The following PLCG2 variants were observed in gnomAD, a reference collection of about 807,000 sequenced individuals.
PLCG2 encodes the protein phospholipase C gamma 2, also known as 1-phosphatidylinositol 4,5-bisphosphate phosphodiesterase gamma-2.
PLCG2 carries 69 observed loss-of-function variants against 175.6 expected under a neutral mutation model. The ratio of observed to expected loss-of-function variants is 0.39; its 90% CI spans 0.32 to 0.48. The LOEUF (loss-of-function observed/expected upper bound fraction) is 0.48. Among genes scored for constraint, PLCG2 ranks in the 20% least tolerant of loss-of-function variants. The pLI is 0.91. For missense variants in PLCG2, 1,798 were observed against 1,650.9 expected (o/e 1.09, Z -1.54); for synonymous variants, 827 against 624.0 (o/e 1.33, Z -4.85).
chr16:81,932,105 G>A (rs1038491958), intron 25 of PLCG2, among the ~76,000 whole-genome samples: 4 of 152,158 alleles, frequency 2.6e-5, no homozygotes, highest in East Asian at 1.9e-4. Context: ...GGTTCTTTCC[G>A]GTGGAGGAAC....
At chr16:81,776,877 C>G (rs1054821448), upstream of PLCG2, among the ~76,000 whole-genome samples, 17 of 152,058 alleles carry the variant, frequency 1.1e-4, no homozygotes, top group African/African-American at 3.9e-4. Context: ...TTTGAACAAC[C>G]AAGTTAGAGT....
intron 2 of PLCG2, among the ~76,000 whole-genome samples, chr16:81,772,478 C>A (rs887128647): frequency 6.6e-6 from 1 of 151,774 alleles, no homozygotes; most frequent in African/African-American, 2.4e-5. Flanking sequence ...AGGTAAGACA[C>A]GGGGCCTGGT....
intron 7 of PLCG2, among the ~76,000 whole-genome samples, chr16:81,875,756 GC>G (rs1407399205): frequency 1.3e-5 from 2 of 152,146 alleles, no homozygotes; most frequent in African/African-American, 4.8e-5. Flanking sequence ...GAAAGCACTT[GC>G]AAAAAATCAA....
intron 16 of PLCG2, 91 bp downstream of exon 16, chr16:81,907,865 C>A: frequency 1.2e-6 from 1 of 838,454 alleles, no homozygotes; most frequent in Non-Finnish European, 2.0e-6. Context: ...TGTGGCTTCT[C>A]TGGCCGGCTG....
At chr16:81,950,459 A>T (rs1422696988) in intron 31 of PLCG2, among the ~76,000 whole-genome samples, 1 of 152,216 alleles carries the variant, frequency 6.6e-6, no homozygotes, top group Non-Finnish European at 1.5e-5. Flanking sequence ...TATAAAGAAA[A>T]AATCTTTCAG....
chr16:81,917,764 C>T (rs1389165289), intron 19 of PLCG2, among the ~76,000 whole-genome samples: 2 of 152,138 alleles, frequency 1.3e-5, no homozygotes, highest in Admixed American at 6.5e-5. Flanking sequence ...CTCTGTTGCC[C>T]AGGCTGGAGT....
At chr16:81,822,752 A>G (rs1253864462) in intron 2 of PLCG2, among the ~76,000 whole-genome samples, 1 of 76,794 alleles carries the variant, frequency 1.3e-5, no homozygotes, top group Non-Finnish European at 2.4e-5. Context: ...CAAGAGCGAG[A>G]CTCCATCTCA....
chr16:81,927,930 C>T (rs1910342940), intron 23 of PLCG2, among the ~76,000 whole-genome samples: 1 of 152,150 alleles, frequency 6.6e-6, no homozygotes, highest in Non-Finnish European at 1.5e-5. Flanking sequence ...CTTGCTTCCT[C>T]TGTACTGAGT....
intron 2 of PLCG2, among the ~76,000 whole-genome samples, chr16:81,759,650 C>T (rs949303253): frequency 6.6e-6 from 1 of 152,214 alleles, no homozygotes; most frequent in African/African-American, 2.4e-5. Context: ...CATCCAAACT[C>T]CTCCTAGGGA....
chr16:81,905,544 C>A, intron 15 of PLCG2, 37 bp downstream of exon 15: 1 of 1,376,432 alleles, frequency 7.3e-7, no homozygotes. Context: ...ACTGCGGCCA[C>A]GCCCCTTGCA....
At chr16:81,928,702 G>C (rs1036317328) in intron 24 of PLCG2, 78 bp downstream of exon 24, 2 of 946,808 alleles carry the variant, frequency 2.1e-6, no homozygotes, top group African/African-American at 1.6e-5. Flanking sequence ...CCTACACAGG[G>C]AGGTGGCTGA....
chr16:81,915,656 C>T (rs554058543), intron 19 of PLCG2, among the ~76,000 whole-genome samples: 5 of 152,286 alleles, frequency 3.3e-5, no homozygotes, highest in Non-Finnish European at 5.9e-5. Context: ...AGCTAATAGA[C>T]GATGATCCTA....
At chr16:81,943,262 C>T (rs1388194444) in intron 30 of PLCG2, among the ~76,000 whole-genome samples, 3 of 152,200 alleles carry the variant, frequency 2.0e-5, no homozygotes, top group Non-Finnish European at 4.4e-5. Flanking sequence ...TTGATTGGCT[C>T]ACAGTTCTGC....
intron 2 of PLCG2, among the ~76,000 whole-genome samples, chr16:81,818,883 A>AGTTTTTTTTTTTTTTTTTTTTTTTT (rs1904669342): frequency 9.4e-6 from 1 of 106,644 alleles, no homozygotes; most frequent in African/African-American, 4.0e-5. Context: ...GGGCTCATGG[A>AGTTTTTTTTTTTTTTTTTTTTTTTT]TTTTTTTTTT....
At chr16:81,948,918 A>C (rs1479809018) in intron 31 of PLCG2, among the ~76,000 whole-genome samples, 1 of 152,242 alleles carries the variant, frequency 6.6e-6, no homozygotes, top group Non-Finnish European at 1.5e-5. Flanking sequence ...GAGCCAGTGG[A>C]AACCTCAGAT....
intron 26 of PLCG2, chr16:81,935,713 C>T: frequency 4.1e-6 from 4 of 985,302 alleles, no homozygotes; most frequent in Non-Finnish European, 4.8e-6. Flanking sequence ...CTCCTGTTCT[C>T]CCTTCCCTGC....
At chr16:81,775,541 C>G (rs551497000), upstream of PLCG2, among the ~76,000 whole-genome samples, 1 of 152,040 alleles carries the variant, frequency 6.6e-6, no homozygotes, top group African/African-American at 2.4e-5. Flanking sequence ...TCTCACAGTC[C>G]CCCTCAGATG....
chr16:81,889,503 C>G (rs1218075345), intron 10 of PLCG2: 2 of 426,940 alleles, frequency 4.7e-6, no homozygotes, highest in African/African-American at 4.0e-5. Flanking sequence ...GCTGCCTAGA[C>G]AGAACCGATT....
chr16:81,783,712 C>G (rs1286734106), intron 1 of PLCG2, among the ~76,000 whole-genome samples: 1 of 152,208 alleles, frequency 6.6e-6, no homozygotes, highest in Non-Finnish European at 1.5e-5. Context: ...TAAATGGCTG[C>G]TTAACAAGGA....
Sources: gnomAD v4.1 joint callset for allele counts (sites outside exome capture counted in the v4.1 genomes callset) on GRCh38, gnomAD v4.1.1 for gene constraint, MANE v1.5 for transcripts, NCBI Gene and HGNC (gene_info 2026-07-23, HGNC 2026-07-21) for gene names.